Variants in GATA6 observed in about 807,000 individuals in gnomAD.
GATA6 encodes transcription factor GATA-6.
Under a neutral mutation model 48.1 loss-of-function variants are expected in GATA6, and 11 were observed. That is an observed-to-expected ratio of 0.23 (90% confidence interval 0.14 to 0.38). The LOEUF (loss-of-function observed/expected upper bound fraction) is 0.38. Among genes scored for constraint, GATA6 ranks in the 10% least tolerant of loss-of-function variants. The probability of loss-of-function intolerance (pLI) is 1.00; values close to 1 mark genes in which losing one functional copy is unlikely to be tolerated. For synonymous variants in GATA6, 419 were observed against 396.1 expected, an observed-to-expected ratio of 1.06 and a Z score of -0.69; for missense variants, 795 against 850.3, an observed-to-expected ratio of 0.93 and a Z score of 0.81.
chr18:22,192,995 C>A (rs973524925), intron 6 of GATA6, among the ~76,000 whole-genome samples: 5 of 152,104 alleles, frequency 3.3e-5, no homozygotes, highest in Non-Finnish European at 7.3e-5. Flanking sequence ...GGGCAGCATC[C>A]CTTGGTGTGG....
At chr18:22,199,900 CAAAAAA>C (rs35638046) in intron 6 of GATA6, among the ~76,000 whole-genome samples, 87 of 68,360 alleles carry the variant, frequency 1.3e-3, no homozygotes, top group African/African-American at 4.0e-3. Context: ...GACTCTGTTT[CAAAAAA>C]AAAAAAAAAA....
chr18:22,171,996 G>A lies in GATA6; in HGVS notation c.852G>A (p.Ala284=). 1 of 1,229,128 alleles carries A rather than the reference G, an allele frequency of 8.1e-7. No individual in the cohort carries two copies. Among genetic ancestry groups the A allele is most frequent in the Non-Finnish European group, 1.0e-6 (1 of 987,440 alleles). The allele number at this position is 1,229,128 out of a possible 1,614,324, so 76.1% of individuals were successfully genotyped here. A position where few individuals can be genotyped will look rare whatever the true frequency, so the allele number is the denominator to read the frequency against. The change falls in exon 2 of 7, where the codon GCG becomes GCA. Residue 284 remains alanine (A), a synonymous_variant. Coordinates refer to ENST00000269216, the MANE Select transcript of GATA6 (RefSeq NM_005257.6). The surrounding 1 kb of genome is among the most constrained non-coding windows in gnomAD (Gnocchi z 7.1). The stretch of plus-strand genomic sequence containing the variant: ...CGCGGGAGCCGGGAGGCTACGCGGC[G>A]GCGGGCAGTGGGGGCGCGGGAGGCG... ...GAAREPGGYA[A]AGSGGAGGVS...
rs2033010326 is a variant in GATA6 at position 22,170,052 on chromosome 18, G to T, written c.-38+370G>T. On this transcript the variant is annotated intron_variant, in intron 1 of 6. Transcript: ENST00000269216. The surrounding 1 kb of genome is among the most constrained non-coding windows in gnomAD (Gnocchi z 6.7). ...ATCTCCGATGAGCCGAGGCGATTTGGAAGAGCAGCCTGGAGGAGGCCAGCC... is the reference window on the plus strand; with the variant it reads ...ATCTCCGATGAGCCGAGGCGATTTGTAAGAGCAGCCTGGAGGAGGCCAGCC... Among the ~76,000 whole-genome samples, 1 of 152,214 alleles carries T rather than the reference G, an allele frequency of 6.6e-6. No homozygotes were observed. The highest frequency in any genetic ancestry group is 6.5e-5 in the Admixed American group (1 of 15,292).
chr18:22,196,570 A>ATCCC (rs2033391949), intron 6 of GATA6, among the ~76,000 whole-genome samples: 1 of 152,022 alleles, frequency 6.6e-6, no homozygotes, highest in South Asian at 2.1e-4. Flanking sequence ...GTGAAACCCC[A>ATCCC]TCTTTACAAA....
At chr18:22,197,171 C>A (rs1337197983) in intron 6 of GATA6, among the ~76,000 whole-genome samples, 3 of 150,526 alleles carry the variant, frequency 2.0e-5, no homozygotes, top group African/African-American at 7.4e-5. Flanking sequence ...CCTGCCTCAG[C>A]CTTCTGAGTA....
intron 3 of GATA6, 148 bp downstream of exon 3, chr18:22,177,269 C>G: frequency 1.5e-6 from 1 of 686,958 alleles, no homozygotes; most frequent in Admixed American, 3.9e-5. Flanking sequence ...GGGGACCCAG[C>G]GGTACCATCC....
intron 6 of GATA6, among the ~76,000 whole-genome samples, chr18:22,199,213 T>C (rs2033427010): frequency 6.6e-6 from 1 of 152,162 alleles, no homozygotes; most frequent in South Asian, 2.1e-4. Context: ...CTCGGCACAC[T>C]TCCTTTCTGT....
intron 3 of GATA6, chr18:22,180,170 C>T (rs1233224062): frequency 3.3e-5 from 5 of 151,952 alleles, no homozygotes; most frequent in South Asian, 2.1e-4. Flanking sequence ...CCATGCTAAT[C>T]TTCTCTGTAT....
chr18:22,194,717 CT>C (rs1195409180), intron 6 of GATA6, among the ~76,000 whole-genome samples: 31 of 151,480 alleles, frequency 2.0e-4, no homozygotes, highest in Non-Finnish European at 3.1e-4. Context: ...CCGCCCCCCC[CT>C]CCCAACACAC....
intron 6 of GATA6, among the ~76,000 whole-genome samples, chr18:22,197,734 G>A (rs2033408966): frequency 1.3e-5 from 2 of 152,178 alleles, no homozygotes; most frequent in Non-Finnish European, 2.9e-5. Context: ...AGGCTCAGGG[G>A]GGACTGCACT....
In GATA6 at chr18:22,181,611, A is replaced by G. The variant is rs368310322; in HGVS notation, c.1428+33A>G. 40 of 1,612,872 alleles carry G rather than the reference A, an allele frequency of 2.5e-5. 1 individual carries two copies. The highest frequency in any genetic ancestry group is 3.1e-5 in the Non-Finnish European group (36 of 1,179,050). On this transcript the variant is annotated intron_variant, in intron 4 of 6. Coordinates refer to ENST00000269216, the MANE Select transcript of GATA6 (RefSeq NM_005257.6). ...ATGTATTCTGCTCACTTGTATATACATTTAGTATCTGGTTTGTATGTGATA... is the reference window on the plus strand; with the variant it reads ...ATGTATTCTGCTCACTTGTATATACGTTTAGTATCTGGTTTGTATGTGATA...
chr18:22,177,419 C>CA (rs963653751), intron 3 of GATA6, among the ~76,000 whole-genome samples: 1 of 151,910 alleles, frequency 6.6e-6, no homozygotes, highest in African/African-American at 2.4e-5. Flanking sequence ...CAAAAACAAA[C>CA]AAAAAAGGAA....
chr18:22,194,937 A>T (rs1285623555), intron 6 of GATA6, among the ~76,000 whole-genome samples: 1 of 152,146 alleles, frequency 6.6e-6, no homozygotes, highest in Non-Finnish European at 1.5e-5. Flanking sequence ...AGGTCGAGGC[A>T]GGCGGATCAC....
Position 22,172,430 on chromosome 18 carries a change from C to A in GATA6, c.1135+151C>A, listed in dbSNP as rs2033068935. On this transcript the variant is annotated intron_variant, in intron 2 of 6. Coordinates refer to ENST00000269216, the MANE Select transcript of GATA6 (RefSeq NM_005257.6). This position sits in a 1 kb window ranked among gnomAD's most constrained non-coding sequence, Gnocchi z 5.2. Reference sequence around the variant, plus strand: ...CTGGTCCCAGGAAGGATTTGCAGGCCTGTGGCTGGGTAACCCAGAGTCCGG... The same window carrying A: ...CTGGTCCCAGGAAGGATTTGCAGGCATGTGGCTGGGTAACCCAGAGTCCGG... 1 of 1,391,930 alleles carries A rather than the reference C, an allele frequency of 7.2e-7. No individual in the cohort carries two copies. The highest frequency in any genetic ancestry group is 9.5e-7 in the Non-Finnish European group (1 of 1,056,350). The allele number at this position is 1,391,930 out of a possible 1,614,324, so 86.2% of individuals were successfully genotyped here. A position where few individuals can be genotyped will look rare whatever the true frequency, so the allele number is the denominator to read the frequency against.
At chr18:22,177,361 C>T (rs1030910688) in intron 3 of GATA6, among the ~76,000 whole-genome samples, 9 of 152,192 alleles carry the variant, frequency 5.9e-5, no homozygotes, top group African/African-American at 2.2e-4. Context: ...CCAAGATAGC[C>T]TTTCCCCATG....
intron 5 of GATA6, 27 bp downstream of exon 5, chr18:22,182,871 T>C: frequency 6.2e-7 from 1 of 1,604,132 alleles, no homozygotes; most frequent in African/African-American, 1.3e-5. Flanking sequence ...GACGTTTGAC[T>C]GTAAAGTATT....
At chr18:22,195,815 T>C (rs1357072699) in intron 6 of GATA6, among the ~76,000 whole-genome samples, 2 of 152,254 alleles carry the variant, frequency 1.3e-5, no homozygotes, top group Non-Finnish European at 2.9e-5. Flanking sequence ...ATTGAGCGGA[T>C]GTGCCCTGCT....
rs2033054149 is a variant in GATA6, at chr18:22,171,807, G to A, written c.663G>A (p.Ala221=). The change falls in exon 2 of 7, where the codon GCG becomes GCA. Residue 221 remains alanine, a synonymous_variant. Transcript: ENST00000269216. This position sits in a 1 kb window ranked among gnomAD's most constrained non-coding sequence, Gnocchi z 7.1. ...CCAACCACGCGGGCGGCGCGGGCGC[G>A]CACCCCGGCTGGCCTCAGGCCTCGG... ...GPANHAGGAG[A]HPGWPQASAD... 7 of 1,294,290 alleles carry A rather than the reference G, an allele frequency of 5.4e-6. No homozygotes were observed. The highest frequency in any genetic ancestry group is 4.3e-5 in the Admixed American group (1 of 23,388). The allele number at this position is 1,294,290 out of a possible 1,614,324, so 80.2% of individuals were successfully genotyped here.
At chr18:22,184,098 A>G (rs1319025584) in intron 6 of GATA6, among the ~76,000 whole-genome samples, 2 of 152,234 alleles carry the variant, frequency 1.3e-5, no homozygotes, top group Non-Finnish European at 2.9e-5. Flanking sequence ...CAAGTGCCCC[A>G]GGTGAAATTG....
Sources: gnomAD v4.1 joint callset for allele counts (sites outside exome capture counted in the v4.1 genomes callset) on GRCh38, gnomAD v4.1.1 for gene constraint, Gnocchi (gnomAD v3.1) non-coding constraint, MANE v1.5 for transcripts, NCBI Gene and HGNC (gene_info 2026-07-23, HGNC 2026-07-21) for gene names.